Variants in DGKK observed in about 807,000 individuals in gnomAD.
DGKK encodes diacylglycerol kinase kappa, also known as 142 kDa diacylglycerol kinase.
A neutral mutation model predicts 92.2 loss-of-function variants in DGKK; 35 were observed. That is an observed-to-expected ratio of 0.38 (90% CI 0.29 to 0.50). The LOEUF (loss-of-function observed/expected upper bound fraction) is 0.50. Among genes scored for constraint, DGKK ranks in the 20% least tolerant of loss-of-function variants. The probability of loss-of-function intolerance (pLI) is 0.92; values close to 1 mark genes in which losing one functional copy is unlikely to be tolerated. For synonymous variants in DGKK, 368 were observed against 360.6 expected, an observed-to-expected ratio of 1.02 and a Z score of -0.23; for missense variants, 910 against 992.2, an observed-to-expected ratio of 0.92 and a Z score of 1.11.
At chrX:50,457,518 TGTACTG>T (rs1406329944) in intron 1 of DGKK, among the ~76,000 whole-genome samples, 3 of 112,303 alleles carry the variant, frequency 2.7e-5, no homozygotes, top group Non-Finnish European at 5.6e-5. Context: ...TGTGCTTAAT[TGTACTG>T]TTTTATGTGC....
chrX:50,431,481 T>C lies in DGKK; in HGVS notation c.646-7123A>G, dbSNP rs894515078. Reference sequence around the variant, plus strand: ...CTACCTGTTATTAGTTGGCTGCTCTTCCGTTTTAATTTCTCTTGTTGCTCT... The same window carrying C: ...CTACCTGTTATTAGTTGGCTGCTCTCCCGTTTTAATTTCTCTTGTTGCTCT... On this transcript the variant is annotated intron_variant, in intron 1 of 27. Transcript: ENST00000611977. Among the ~76,000 whole-genome samples, 18 of 111,746 alleles carry C rather than the reference T, an allele frequency of 1.6e-4. 1 individual carries two copies. The Admixed American group carries it at 1.7e-3, about 11-fold the overall frequency.
intron 20 of DGKK, among the ~76,000 whole-genome samples, chrX:50,379,273 A>C (rs1419879455): frequency 9.8e-6 from 1 of 101,937 alleles, no homozygotes; most frequent in Admixed American, 1.1e-4. Context: ...GTGAGCTGAG[A>C]TCTTGCCACT....
At chrX:50,443,493 A>C in intron 1 of DGKK, among the ~76,000 whole-genome samples, 1 of 110,481 alleles carries the variant, frequency 9.1e-6, no homozygotes, top group Middle Eastern at 4.7e-3. Context: ...ACTGGGGTTT[A>C]AAAAAACACT....
In DGKK at chrX:50,366,747, G is replaced by T. The variant is rs1413060874; in HGVS notation, c.*2193C>A. ...GCAACTTGGTTCCCACTCTGTGAGT[G>T]TGTGTGCAGGTGTCAATGCATGCAG... On this transcript the variant is annotated 3_prime_UTR_variant, in exon 28 of 28. Coordinates refer to ENST00000611977, the MANE Select transcript of DGKK (RefSeq NM_001013742.4). 7.2e-5 allele frequency: 8 copies of T among 111,720 alleles called. No homozygotes were observed. The highest frequency in any genetic ancestry group is 1.3e-4 in the Non-Finnish European group (7 of 53,187). The allele number at this position is 111,720 out of a possible 1,213,427, so 9.2% of individuals were successfully genotyped here. A position where few individuals can be genotyped will look rare whatever the true frequency, so the allele number is the denominator to read the frequency against.
At chrX:50,383,164 T>C (rs1457243042) in intron 17 of DGKK, among the ~76,000 whole-genome samples, 1 of 112,122 alleles carries the variant, frequency 8.9e-6, no homozygotes, top group African/African-American at 3.2e-5. Flanking sequence ...ACCAGTGGTG[T>C]GCCATAGCCA....
intron 1 of DGKK, among the ~76,000 whole-genome samples, chrX:50,439,788 A>C (rs1926122892): frequency 9.0e-6 from 1 of 111,376 alleles, no homozygotes; most frequent in African/African-American, 3.3e-5. Flanking sequence ...TATAAATAGA[A>C]AATCAAATTT....
intron 2 of DGKK, among the ~76,000 whole-genome samples, chrX:50,423,387 C>A (rs915108463): frequency 9.0e-6 from 1 of 111,395 alleles, no homozygotes; most frequent in Non-Finnish European, 1.9e-5. Context: ...AGCTGACAGC[C>A]CTGAGAGGTC....
At chrX:50,389,871 G>T (rs1924641358) in intron 12 of DGKK, among the ~76,000 whole-genome samples, 1 of 110,815 alleles carries the variant, frequency 9.0e-6, no homozygotes, top group Non-Finnish European at 1.9e-5. Context: ...ATTCCCTCTG[G>T]ATCTCAAGTA....
intron 7 of DGKK, 24 bp from the exon 8 acceptor site, chrX:50,401,163 A>C (rs1924994958): frequency 1.8e-6 from 2 of 1,138,260 alleles, no homozygotes; most frequent in African/African-American, 1.8e-5. Context: ...AGAAGAGCAG[A>C]GAAAAAAAAG....
intron 1 of DGKK, among the ~76,000 whole-genome samples, chrX:50,433,896 T>C (rs1925953938): frequency 9.0e-6 from 1 of 111,582 alleles, no homozygotes; most frequent in African/African-American, 3.3e-5. Context: ...GTCCTCAACC[T>C]AAGCAAGATC....
chrX:50,376,516 T>C (rs1557223859), intron 23 of DGKK, among the ~76,000 whole-genome samples: 1 of 111,786 alleles, frequency 8.9e-6, no homozygotes, highest in Non-Finnish European at 1.9e-5. Context: ...CTATTGGGTT[T>C]GGATTAGCAA....
At chrX:50,391,925 G>A (rs1253862929) in intron 10 of DGKK, among the ~76,000 whole-genome samples, 16 of 112,409 alleles carry the variant, frequency 1.4e-4, no homozygotes, top group African/African-American at 5.2e-4. Flanking sequence ...CTACTGGAGT[G>A]AGAAGAGCAA....
intron 4 of DGKK, among the ~76,000 whole-genome samples, chrX:50,419,738 T>C (rs1328453515): frequency 8.9e-6 from 1 of 112,214 alleles, no homozygotes. Flanking sequence ...GTGGTAGATC[T>C]ATAGAAGGGC....
At chrX:50,401,769 C>G (rs1423341096) in intron 7 of DGKK, among the ~76,000 whole-genome samples, 4 of 110,406 alleles carry the variant, frequency 3.6e-5, no homozygotes, top group African/African-American at 1.3e-4. Context: ...AAACAGAGGA[C>G]AACCAGAGTC....
At chrX:50,417,673 C>G (rs7877459) in intron 4 of DGKK, among the ~76,000 whole-genome samples, 1,969 of 110,861 alleles carry the variant, frequency 0.018, 46 homozygotes, top group African/African-American at 0.062. Context: ...ACTTGTCCTC[C>G]CTTTCTATCC....
intron 1 of DGKK, among the ~76,000 whole-genome samples, chrX:50,468,330 A>G (rs191839285): frequency 1.8e-5 from 2 of 111,339 alleles, no homozygotes; most frequent in Admixed American, 1.9e-4. Flanking sequence ...TTCGCTTAAG[A>G]TGGCCACAGG....
At chrX:50,428,059 T>A (rs1053835868) in intron 1 of DGKK, among the ~76,000 whole-genome samples, 1 of 109,981 alleles carries the variant, frequency 9.1e-6, no homozygotes, top group African/African-American at 3.3e-5. Flanking sequence ...AGAAATGAAG[T>A]AATCTGTTTT....
In DGKK at chrX:50,407,774, G is replaced by A. The variant is rs1557227426; in HGVS notation, c.943-3590C>T. Among the ~76,000 whole-genome samples, 7 of 112,035 alleles carry A rather than the reference G, an allele frequency of 6.2e-5. 1 individual carries two copies. Among genetic ancestry groups the A allele is most frequent in the Non-Finnish European group, 1.1e-4 (6 of 53,202 alleles). Reference sequence around the variant, plus strand: ...TCCATATTGCAAAACCCAAGAAAGTGTGCCCTGCAGAGAACATCAAGGGTG... The same window carrying A: ...TCCATATTGCAAAACCCAAGAAAGTATGCCCTGCAGAGAACATCAAGGGTG... On this transcript the variant is annotated intron_variant, in intron 4 of 27. Coordinates refer to ENST00000611977, the MANE Select transcript of DGKK (RefSeq NM_001013742.4).
chrX:50,419,513 A>C (rs2147135651), intron 4 of DGKK, among the ~76,000 whole-genome samples: 1 of 112,266 alleles, frequency 8.9e-6, no homozygotes, highest in South Asian at 3.7e-4. Context: ...GTCTGGATTC[A>C]CCTTCCCCTT....
Sources: gnomAD v4.1 joint callset for allele counts (sites outside exome capture counted in the v4.1 genomes callset) on GRCh38, gnomAD v4.1.1 for gene constraint, MANE v1.5 for transcripts, NCBI Gene and HGNC (gene_info 2026-07-23, HGNC 2026-07-21) for gene names.